Variants in KCNH1 observed in about 807,000 individuals in gnomAD.
The protein encoded by KCNH1 is voltage-gated delayed rectifier potassium channel KCNH1.
A neutral mutation model predicts 69.2 loss-of-function variants in KCNH1; 27 were observed. The ratio of observed to expected loss-of-function variants is 0.39; its 90% CI spans 0.29 to 0.54. The LOEUF (loss-of-function observed/expected upper bound fraction) is 0.54. Among genes scored for constraint, KCNH1 ranks in the 20% least tolerant of loss-of-function variants. KCNH1 has a pLI of 0.68. For missense variants in KCNH1, 798 were observed against 1,261.6 expected (o/e 0.63, Z 5.57); for synonymous variants, 456 against 487.7 (o/e 0.93, Z 0.86).
intron 7 of KCNH1, among the ~76,000 whole-genome samples, chr1:210,817,886 G>A (rs1416970686): frequency 6.6e-6 from 1 of 152,118 alleles, no homozygotes; most frequent in East Asian, 1.9e-4. Context: ...CAATTACTTG[G>A]TGTGGGACAC....
rs1687427028 is a variant in KCNH1 at position 210,920,015 on chromosome 1, G to A, written c.1087C>T (p.Arg363Ter). 1.2e-6 allele frequency: 2 copies of A among 1,614,128 alleles called. No homozygotes were observed. The highest frequency in any genetic ancestry group is 1.7e-6 in the Non-Finnish European group (2 of 1,180,018). The change falls in exon 7 of 11, where the codon CGA becomes TGA. Residue 363 changes from arginine to a stop codon, truncating the protein, a stop_gained. Coordinates refer to ENST00000271751, the MANE Select transcript of KCNH1 (RefSeq NM_172362.3). LOFTEE classifies it high-confidence loss of function. ...TAGTGGTCCAGCTTACGGGCCACTC[G>A]CCCAAGACGGAGCAGCCGGACAACT... ...LKVVRLLRLG[R>*]VARKLDHYIE...
intron 6 of KCNH1, among the ~76,000 whole-genome samples, chr1:211,009,701 C>T (rs1003809240): frequency 5.9e-5 from 9 of 152,004 alleles, no homozygotes; most frequent in East Asian, 3.9e-4. Context: ...CTCCACCTCC[C>T]GGGTTCAAGC....
intron 5 of KCNH1, among the ~76,000 whole-genome samples, chr1:211,059,104 C>A (rs956460159): frequency 6.6e-5 from 10 of 151,434 alleles, no homozygotes; most frequent in Middle Eastern, 3.2e-3. Flanking sequence ...CATGGTGAAA[C>A]CCTGTCTCTA....
intron 9 of KCNH1, 29 bp from the exon 10 acceptor site, chr1:210,775,573 G>C (rs1445218197): frequency 6.3e-7 from 1 of 1,589,274 alleles, no homozygotes; most frequent in East Asian, 2.2e-5. Flanking sequence ...CATGAGGAAA[G>C]TGTTGGCCAG....
At chr1:210,844,889 AG>A (rs1281580720) in intron 7 of KCNH1, among the ~76,000 whole-genome samples, 10 of 152,366 alleles carry the variant, frequency 6.6e-5, no homozygotes, top group Admixed American at 1.3e-4. Flanking sequence ...AAAATGATAA[AG>A]GGGATATCAC....
At position 210,919,276 on chromosome 1, in the gene KCNH1, G is replaced by C. The variant is rs1395273666; in HGVS notation, c.1462+364C>G. 5.7e-6 allele frequency: 1 copy of C among 175,524 alleles called. No individual in the cohort carries two copies. Among genetic ancestry groups the C allele is most frequent in the Non-Finnish European group, 1.2e-5 (1 of 81,478 alleles). The allele number at this position is 175,524 out of a possible 1,614,324, so 10.9% of individuals were successfully genotyped here. On this transcript the variant is annotated intron_variant, in intron 7 of 10. Coordinates refer to ENST00000271751, the MANE Select transcript of KCNH1 (RefSeq NM_172362.3). The surrounding 1 kb of genome is among the most constrained non-coding windows in gnomAD (Gnocchi z 4.2). ...AGACTTCCATAATTCACTGTTCTATGAGTAGTTTACTAAAGTGCGTATGCA... is the reference window on the plus strand; with the variant it reads ...AGACTTCCATAATTCACTGTTCTATCAGTAGTTTACTAAAGTGCGTATGCA...
At chr1:210,909,120 T>C (rs1022407484) in intron 7 of KCNH1, among the ~76,000 whole-genome samples, 3 of 152,256 alleles carry the variant, frequency 2.0e-5, no homozygotes, top group African/African-American at 7.2e-5. Flanking sequence ...TGGAAACATT[T>C]GTTAGTCTGC....
chr1:210,686,420 A>T (rs755929967), intron 10 of KCNH1, among the ~76,000 whole-genome samples: 1 of 152,108 alleles, frequency 6.6e-6, no homozygotes, highest in Non-Finnish European at 1.5e-5. Flanking sequence ...CCCAACTCCA[A>T]TGGCCCTTTC....
At chr1:211,131,230 T>G (rs1206959428) in intron 1 of KCNH1, among the ~76,000 whole-genome samples, 1 of 152,090 alleles carries the variant, frequency 6.6e-6, no homozygotes, top group South Asian at 2.1e-4. Context: ...ATTCCGGGCA[T>G]CAGATATTCA....
intron 10 of KCNH1, among the ~76,000 whole-genome samples, chr1:210,698,988 A>G (rs1313409223): frequency 6.6e-6 from 1 of 152,118 alleles, no homozygotes; most frequent in Non-Finnish European, 1.5e-5. Flanking sequence ...CACCATTGTC[A>G]TCTCCCAGCC....
chr1:210,860,393 G>A, intron 7 of KCNH1: 3 of 1,362,388 alleles, frequency 2.2e-6, no homozygotes, highest in Admixed American at 3.4e-5. Flanking sequence ...TCAAGCTGTT[G>A]GGTTATCTCT....
At chr1:210,953,331 G>A (rs913422874) in intron 6 of KCNH1, among the ~76,000 whole-genome samples, 1 of 152,172 alleles carries the variant, frequency 6.6e-6, no homozygotes, top group Non-Finnish European at 1.5e-5. Context: ...TGAACCCAGG[G>A]CAAGCTGGCA....
chr1:210,966,511 C>T (rs1688403868), intron 6 of KCNH1, among the ~76,000 whole-genome samples: 1 of 152,096 alleles, frequency 6.6e-6, no homozygotes, highest in Non-Finnish European at 1.5e-5. Context: ...TATGCAGAAT[C>T]TACAAAGAAC....
chr1:211,073,006 A>C (rs1317007819), intron 5 of KCNH1, among the ~76,000 whole-genome samples: 2 of 152,230 alleles, frequency 1.3e-5, no homozygotes, highest in Non-Finnish European at 2.9e-5. Flanking sequence ...GAAGACACAT[A>C]TTGATTAAAA....
intron 9 of KCNH1, 146 bp from the exon 10 acceptor site, chr1:210,775,690 C>G: frequency 1.7e-6 from 1 of 595,610 alleles, no homozygotes; most frequent in Non-Finnish European, 3.0e-6. Flanking sequence ...TTAACGTGAA[C>G]CTTAATAACA....
At chr1:211,081,300 T>C (rs1690854066) in intron 5 of KCNH1, among the ~76,000 whole-genome samples, 1 of 152,160 alleles carries the variant, frequency 6.6e-6, no homozygotes, top group African/African-American at 2.4e-5. Flanking sequence ...ATGGCGATCA[T>C]TAAAAAGTCA....
At chr1:210,968,743 T>A (rs562052274) in intron 6 of KCNH1, among the ~76,000 whole-genome samples, 8 of 152,040 alleles carry the variant, frequency 5.3e-5, no homozygotes, top group Middle Eastern at 3.4e-3. Flanking sequence ...AATTTGTTTG[T>A]GTTCATTGTA....
chr1:210,964,217 CTT>C (rs898498537), intron 6 of KCNH1, among the ~76,000 whole-genome samples: 1 of 152,104 alleles, frequency 6.6e-6, no homozygotes, highest in African/African-American at 2.4e-5. Flanking sequence ...GAATAAAATC[CTT>C]TACAGACGAG....
intron 10 of KCNH1, among the ~76,000 whole-genome samples, chr1:210,694,311 T>G (rs1370936260): frequency 6.6e-6 from 1 of 152,148 alleles, no homozygotes; most frequent in Admixed American, 6.5e-5. Flanking sequence ...GTGTACCAGC[T>G]GCACACTTAT....
Sources: allele counts gnomAD v4.1 joint callset (sites outside exome capture counted in the v4.1 genomes callset), GRCh38; gene constraint gnomAD v4.1.1; non-coding constraint Gnocchi (gnomAD v3.1); transcripts MANE v1.5; gene names NCBI Gene and HGNC (gene_info 2026-07-23, HGNC 2026-07-21).